KATNAL1: variants seen among roughly 807,000 people sequenced by gnomAD.
KATNAL1 encodes katanin p60 ATPase-containing subunit A-like 1.
A neutral mutation model predicts 55.2 loss-of-function variants in KATNAL1; 32 were observed. The observed-to-expected ratio is 0.58, with a 90% CI of 0.44 to 0.78. The LOEUF (loss-of-function observed/expected upper bound fraction) is 0.78, where lower values mean the gene tolerates loss of function less well. KATNAL1 is among the 30% of genes least tolerant of loss of function. The pLI, the probability that KATNAL1 is intolerant of heterozygous loss-of-function variation, is 0.00. For missense variants in KATNAL1, 466 were observed against 600.9 expected (o/e 0.78, Z 2.35); for synonymous variants, 193 against 193.6 (o/e 1.00, Z 0.02).
At chr13:30,278,731 T>C (rs1385814745) in intron 3 of KATNAL1, among the ~76,000 whole-genome samples, 5 of 152,244 alleles carry the variant, frequency 3.3e-5, no homozygotes, top group African/African-American at 1.2e-4. Flanking sequence ...AGGTATTTCA[T>C]TGTACATACA....
Position 30,207,468 on chromosome 13 carries a change from T to C in KATNAL1, c.*1072A>G, listed in dbSNP as rs1264385401. On this transcript the variant is annotated 3_prime_UTR_variant, in exon 11 of 11. Coordinates refer to ENST00000380615, the MANE Select transcript of KATNAL1 (RefSeq NM_032116.5). Reference sequence around the variant, plus strand: ...AAAACAATAAAGATTTCATTTGTTTTGCGTTAGCCACAGAGAGTGGACTTG... The same window carrying C: ...AAAACAATAAAGATTTCATTTGTTTCGCGTTAGCCACAGAGAGTGGACTTG... 6.6e-6 allele frequency: 1 copy of C among 152,254 alleles called. No individual in the cohort carries two copies. The highest frequency in any genetic ancestry group is 2.4e-5 in the African/African-American group (1 of 41,468). The allele number at this position is 152,254 out of a possible 1,614,324, so 9.4% of individuals were successfully genotyped here. A position where few individuals can be genotyped will look rare whatever the true frequency, so the allele number is the denominator to read the frequency against.
chr13:30,271,076 T>C (rs1322885619), intron 3 of KATNAL1, among the ~76,000 whole-genome samples: 1 of 152,144 alleles, frequency 6.6e-6, no homozygotes, highest in African/African-American at 2.4e-5. Flanking sequence ...CATGTGAACA[T>C]CAAGTGGGGT....
Position 30,203,647 on chromosome 13 carries a change from G to A in KATNAL1, c.*4893C>T, listed in dbSNP as rs1395835494. 1 of 151,972 alleles carries A rather than the reference G, an allele frequency of 6.6e-6. No individual in the cohort carries two copies. The highest frequency in any genetic ancestry group is 1.5e-5 in the Non-Finnish European group (1 of 67,974). The allele number at this position is 151,972 out of a possible 1,614,324, so 9.4% of individuals were successfully genotyped here. A position where few individuals can be genotyped will look rare whatever the true frequency, so the allele number is the denominator to read the frequency against. ...TTTCATTTATTTTCTCAGAAAATGA[G>A]AAAGGTAAAATAAATTTTATGACAT... On this transcript the variant is annotated 3_prime_UTR_variant, in exon 11 of 11. Transcript: ENST00000380615.
At chr13:30,249,651 A>G (rs1434188763) in intron 4 of KATNAL1, among the ~76,000 whole-genome samples, 2 of 152,258 alleles carry the variant, frequency 1.3e-5, no homozygotes, top group Admixed American at 1.3e-4. Flanking sequence ...TACTGTACAT[A>G]AAGTTCCAAA....
chr13:30,226,706 T>C (rs942878076), intron 9 of KATNAL1, among the ~76,000 whole-genome samples: 1 of 152,230 alleles, frequency 6.6e-6, no homozygotes, highest in Non-Finnish European at 1.5e-5. Context: ...GTACATTTCA[T>C]TGTATGTAAA....
intron 8 of KATNAL1, among the ~76,000 whole-genome samples, chr13:30,228,341 A>G (rs1875722422): frequency 2.0e-5 from 3 of 152,222 alleles, no homozygotes; most frequent in African/African-American, 7.2e-5. Flanking sequence ...TTTTAAAAAA[A>G]CAAGGTCTGG....
At chr13:30,299,984 C>CAT (rs1324112723) in intron 1 of KATNAL1, among the ~76,000 whole-genome samples, 3 of 143,646 alleles carry the variant, frequency 2.1e-5, no homozygotes, top group Non-Finnish European at 4.7e-5. Context: ...ACCCACAACA[C>CAT]ACACACACAC....
chr13:30,242,794 C>T (rs1476243135), intron 4 of KATNAL1, among the ~76,000 whole-genome samples: 2 of 151,396 alleles, frequency 1.3e-5, no homozygotes, highest in Non-Finnish European at 2.9e-5. Flanking sequence ...GAATACCGAT[C>T]GAGGACTACA....
chr13:30,237,865 G>A (rs1207659305), intron 6 of KATNAL1, among the ~76,000 whole-genome samples: 2 of 152,092 alleles, frequency 1.3e-5, no homozygotes, highest in Non-Finnish European at 2.9e-5. Context: ...TTTGCCATAG[G>A]CAAAAGCCAA....
chr13:30,234,393 A>AGT (rs1436125797), intron 6 of KATNAL1, among the ~76,000 whole-genome samples: 1 of 152,134 alleles, frequency 6.6e-6, no homozygotes, highest in Non-Finnish European at 1.5e-5. Context: ...TTCATTTACT[A>AGT]ACCTAATGGT....
chr13:30,208,804 C>T lies in KATNAL1; in HGVS notation c.1275-66G>A, dbSNP rs1873390678. The stretch of plus-strand genomic sequence containing the variant: ...ATGTTTTAAACACTTTCAATTGTAA[C>T]AAAGTTATGAAAAAAAAATCAAAAG... On this transcript the variant is annotated intron_variant, in intron 10 of 10. Transcript: ENST00000380615. The T allele has an allele frequency of 6.6e-6, 7 of 1,059,994 alleles. No homozygotes were observed. In the Admixed American group the frequency reaches 8.5e-5, roughly 13 times the overall value. 65.7% of individuals were successfully genotyped at this position (1,059,994 alleles called of 1,614,324 possible).
chr13:30,278,535 G>A (rs935387186), intron 3 of KATNAL1, among the ~76,000 whole-genome samples: 3 of 152,210 alleles, frequency 2.0e-5, no homozygotes, highest in African/African-American at 7.2e-5. Context: ...ATGGGAAAAT[G>A]TCATCCACAA....
intron 1 of KATNAL1, chr13:30,296,749 T>C: frequency 7.9e-6 from 4 of 504,052 alleles, no homozygotes; most frequent in South Asian, 6.8e-5. Flanking sequence ...GGCCAATGGA[T>C]AGTGAGCTTG....
intron 2 of KATNAL1, among the ~76,000 whole-genome samples, chr13:30,283,261 T>G (rs1881525519): frequency 1.9e-5 from 1 of 51,756 alleles, no homozygotes; most frequent in African/African-American, 1.2e-4. Context: ...AACAAGACTC[T>G]GTCTCAAAAA....
At chr13:30,268,577 G>A (rs1879966307) in intron 3 of KATNAL1, among the ~76,000 whole-genome samples, 1 of 152,044 alleles carries the variant, frequency 6.6e-6, no homozygotes, top group African/African-American at 2.4e-5. Context: ...ACACAAGCCA[G>A]AAGACAAAAT....
At chr13:30,223,286 C>CA (rs1481866137) in intron 9 of KATNAL1, among the ~76,000 whole-genome samples, 2 of 148,574 alleles carry the variant, frequency 1.3e-5, no homozygotes, top group African/African-American at 5.0e-5. Flanking sequence ...ACTAAAAATA[C>CA]AAAAAATTAG....
intron 1 of KATNAL1, among the ~76,000 whole-genome samples, chr13:30,289,666 T>C (rs920630911): frequency 1.3e-5 from 2 of 152,260 alleles, no homozygotes; most frequent in African/African-American, 4.8e-5. Flanking sequence ...CAATAATCCA[T>C]GCTTCAGCAT....
Position 30,269,266 on chromosome 13 carries a change from T to G in KATNAL1, c.323+10797A>C, listed in dbSNP as rs868600202. 3.3e-5 allele frequency among the ~76,000 whole-genome samples: 5 copies of G among 152,348 alleles called. No individual in the cohort carries two copies. In the South Asian group the frequency reaches 1.0e-3, roughly 32 times the overall value. ...CTGACTGGTTTTCGTATTTTTTTGG[T>G]GGAGACGGGGTTTCGCTGTGTTGGC... On this transcript the variant is annotated intron_variant, in intron 3 of 10. Transcript: ENST00000380615.
At chr13:30,274,901 G>GCACACA (rs1375758994) in intron 3 of KATNAL1, among the ~76,000 whole-genome samples, 6 of 111,406 alleles carry the variant, frequency 5.4e-5, no homozygotes, top group Non-Finnish European at 9.1e-5. Context: ...ACGCGCGCGC[G>GCACACA]CGCGCGCACA....
Sources: allele counts gnomAD v4.1 joint callset (sites outside exome capture counted in the v4.1 genomes callset), GRCh38; gene constraint gnomAD v4.1.1; transcripts MANE v1.5; gene names NCBI Gene and HGNC (gene_info 2026-07-23, HGNC 2026-07-21).